Variants in UBN2 observed in about 807,000 individuals in gnomAD.
UBN2 encodes ubinuclein-2.
A neutral mutation model predicts 120.2 loss-of-function variants in UBN2; 35 were observed. The ratio of observed to expected loss-of-function variants is 0.29; its 90% CI spans 0.22 to 0.39. The LOEUF (loss-of-function observed/expected upper bound fraction) is 0.39, where lower values mean the gene tolerates loss of function less well. UBN2 is among the 10% of genes least tolerant of loss of function. The probability of loss-of-function intolerance (pLI) is 1.00; values close to 1 mark genes in which losing one functional copy is unlikely to be tolerated. For synonymous variants in UBN2, 661 were observed against 648.7 expected (o/e 1.02, Z -0.29); for missense variants, 1,693 against 1,663.2 (o/e 1.02, Z -0.31).
At position 139,283,841 on chromosome 7, in the gene UBN2, T is replaced by C. The variant is rs145513849; in HGVS notation, c.2936T>C (p.Met979Thr). 50 of 1,614,172 alleles carry C rather than the reference T, an allele frequency of 3.1e-5. No individual in the cohort carries two copies. Among genetic ancestry groups the C allele is most frequent in the South Asian group, 1.2e-4 (11 of 91,088 alleles). The change falls in exon 15 of 18, where the codon ATG (methionine) becomes ACG (threonine). Residue 979 changes from methionine to threonine, a missense_variant. By Grantham distance (81) the Met-to-Thr change is moderately conservative. Around this residue, in one of 5 missense-constraint regions of UBN2, gnomAD observed 837 missense variants for 817.6 expected, o/e 1.02. Coordinates refer to ENST00000473989, the MANE Select transcript of UBN2 (RefSeq NM_173569.4). ...ATTAAGACTTCAGATAAGCCACTTA[T>C]GTACCGCCTTCCCTTATCTACCCCC... ...SLIKTSDKPL[M>T]YRLPLSTPSP...
chr7:139,319,811 C>T, the UBN2 span, among the ~76,000 whole-genome samples: 178 of 151,856 alleles, frequency 1.2e-3, 1 homozygote, highest in South Asian at 3.7e-3. Context: ...GTGTGGTGGT[C>T]CATGCCTGTA....
At chr7:139,262,385 C>T (rs904638787) in intron 6 of UBN2, among the ~76,000 whole-genome samples, 2 of 152,120 alleles carry the variant, frequency 1.3e-5, no homozygotes, top group Non-Finnish European at 2.9e-5. Flanking sequence ...CAGGTGTGAC[C>T]CACTGCGCCC....
rs749736807 is a variant in UBN2, at chr7:139,293,931, C to A, written c.3944C>A (p.Ala1315Glu). The part of the protein sequence containing the change: ...GLQPGGAQHA[A>E]TLSHSPLPAH... ...CAGCCAGGAGGAGCTCAGCATGCAG[C>A]AACGCTTTCCCACTCACCTCTGCCT... is the stretch of plus-strand genomic sequence containing the variant. The change falls in exon 17 of 18, where the codon GCA becomes GAA. Residue 1315 changes from alanine (A) to glutamate (E), a missense_variant. Around this residue, in one of 5 missense-constraint regions of UBN2, gnomAD observed 837 missense variants for 817.6 expected, o/e 1.02. Transcript: ENST00000473989. 1.9e-6 allele frequency: 3 copies of A among 1,614,136 alleles called. No individual in the cohort carries two copies. Among genetic ancestry groups the A allele is most frequent in the Non-Finnish European group, 2.5e-6 (3 of 1,180,004 alleles).
intron 2 of UBN2, among the ~76,000 whole-genome samples, chr7:139,250,306 C>T (rs892229736): frequency 1.3e-5 from 2 of 152,064 alleles, no homozygotes; most frequent in Non-Finnish European, 1.5e-5. Flanking sequence ...CATCTCGGCT[C>T]ACTGCAACGT....
Position 139,231,309 on chromosome 7 carries a change from A to G in UBN2, c.-176A>G, listed in dbSNP as rs1264491580. ...TGGCGATGGCGGTGAAGCCCATCAG[A>G]ACGTAGTAGCGGGGAAGGGGACACG... is the stretch of plus-strand genomic sequence containing the variant. On this transcript the variant is annotated 5_prime_UTR_variant, in exon 1 of 18. Transcript: ENST00000473989. Among the ~76,000 whole-genome samples, 1 of 152,200 alleles carries G rather than the reference A, an allele frequency of 6.6e-6. No homozygotes were observed. The highest frequency in any genetic ancestry group is 6.5e-5 in the Admixed American group (1 of 15,288).
At chr7:139,262,713 C>CA (rs745935446) in intron 6 of UBN2, among the ~76,000 whole-genome samples, 16,024 of 81,522 alleles carry the variant, frequency 0.2, 1,260 homozygotes, top group Non-Finnish European at 0.26. Context: ...GACTCCATCT[C>CA]AAAAAAAAAA....
intron 15 of UBN2, among the ~76,000 whole-genome samples, chr7:139,290,770 T>C (rs373552863): frequency 2.6e-5 from 4 of 152,206 alleles, no homozygotes; most frequent in African/African-American, 9.6e-5. Context: ...GGGAGGCAGT[T>C]AAAGAACCAG....
intron 6 of UBN2, among the ~76,000 whole-genome samples, chr7:139,263,766 CAAAAAAAAA>C (rs34511009): frequency 1.5e-5 from 1 of 64,854 alleles, no homozygotes; most frequent in African/African-American, 5.4e-5. Flanking sequence ...GACTCCATCT[CAAAAAAAAA>C]AAAAAAAAAT....
intron 2 of UBN2, 91 bp from the exon 3 acceptor site, chr7:139,251,865 A>C: frequency 7.7e-7 from 1 of 1,291,430 alleles, no homozygotes; most frequent in Non-Finnish European, 1.1e-6. Flanking sequence ...GACTATCTGC[A>C]AAAATTATTT....
At chr7:139,318,088 G>A in the UBN2 span, among the ~76,000 whole-genome samples, 2 of 152,204 alleles carry the variant, frequency 1.3e-5, no homozygotes, top group African/African-American at 4.8e-5. Context: ...GATCTTTGTT[G>A]TGCTTATTTT....
chr7:139,261,232 G>C lies in UBN2; in HGVS notation c.906-20G>C. On this transcript the variant is annotated intron_variant, in intron 5 of 17. Transcript: ENST00000473989. ...GTTTAAAATCACACATAGCCTAACT[G>C]ATCATTTTTGTCTTCACAGAGTTGT... 1 of 1,579,826 alleles carries C rather than the reference G, an allele frequency of 6.3e-7. No homozygotes were observed. Among genetic ancestry groups the C allele is most frequent in the African/African-American group, 1.4e-5 (1 of 73,160 alleles).
the UBN2 span, among the ~76,000 whole-genome samples, chr7:139,328,865 A>C: frequency 1.3e-5 from 2 of 151,704 alleles, no homozygotes; most frequent in Non-Finnish European, 2.9e-5. Context: ...TCAAGAAAAA[A>C]AAAAAAAAGG....
intron 1 of UBN2, among the ~76,000 whole-genome samples, chr7:139,233,987 A>G (rs1361579176): frequency 6.6e-6 from 1 of 152,086 alleles, no homozygotes; most frequent in Admixed American, 6.5e-5. Flanking sequence ...AATCCATTGT[A>G]TATAATCACC....
At chr7:139,314,395 G>C in the UBN2 span, among the ~76,000 whole-genome samples, 1 of 151,700 alleles carries the variant, frequency 6.6e-6, no homozygotes, top group East Asian at 2.0e-4. Flanking sequence ...GCAGAGAGAG[G>C]TTGCAGTGAG....
intron 2 of UBN2, among the ~76,000 whole-genome samples, chr7:139,251,436 G>A (rs1452804602): frequency 6.6e-6 from 1 of 152,134 alleles, no homozygotes; most frequent in Non-Finnish European, 1.5e-5. Flanking sequence ...AATCAGCCAG[G>A]TTACCATATT....
chr7:139,282,420 A>C (rs779253419), intron 14 of UBN2, among the ~76,000 whole-genome samples: 6 of 152,228 alleles, frequency 3.9e-5, no homozygotes, highest in Non-Finnish European at 8.8e-5. Context: ...TATATATTGA[A>C]TAAATGACAA....
intron 2 of UBN2, among the ~76,000 whole-genome samples, chr7:139,243,684 G>A (rs1313095718): frequency 1.3e-5 from 2 of 152,178 alleles, no homozygotes; most frequent in Non-Finnish European, 2.9e-5. Context: ...AGGGTTAGAA[G>A]TTTTCCAGGA....
At chr7:139,317,280 C>T in the UBN2 span, among the ~76,000 whole-genome samples, 3 of 152,134 alleles carry the variant, frequency 2.0e-5, no homozygotes, top group Non-Finnish European at 2.9e-5. Context: ...AACCAGTCCT[C>T]CCACCTCAGC....
At chr7:139,232,154 C>T (rs1177143081) in intron 1 of UBN2, among the ~76,000 whole-genome samples, 2 of 151,996 alleles carry the variant, frequency 1.3e-5, no homozygotes, top group Admixed American at 6.5e-5. Flanking sequence ...GGCTCTCACC[C>T]GGCTGCGCCG....
Sources: allele counts gnomAD v4.1 joint callset (sites outside exome capture counted in the v4.1 genomes callset), GRCh38; gene constraint gnomAD v4.1.1; regional missense constraint gnomAD v4.1.1; transcripts MANE v1.5; gene names NCBI Gene and HGNC (gene_info 2026-07-23, HGNC 2026-07-21).